The following NELL1 variants were observed in gnomAD, a reference collection of about 807,000 sequenced individuals.
NELL1 encodes the protein neural EGFL like 1, also known as protein kinase C-binding protein NELL1.
A neutral mutation model predicts 107.4 loss-of-function variants in NELL1; 76 were observed. The observed-to-expected ratio is 0.71, with a 90% CI of 0.59 to 0.86. NELL1 has a LOEUF of 0.86. NELL1 is among the 40% of genes least tolerant of loss of function. NELL1 has a pLI of 0.00. For missense variants in NELL1, 1,024 were observed against 1,005.5 expected (o/e 1.02, Z -0.25); for synonymous variants, 353 against 341.2 (o/e 1.03, Z -0.38).
chr11:20,975,067 T>C (rs1365595076), intron 12 of NELL1, among the ~76,000 whole-genome samples: 1 of 152,118 alleles, frequency 6.6e-6, no homozygotes, highest in Non-Finnish European at 1.5e-5. Context: ...TGGAGTGCAG[T>C]GCATGCTCTC....
intron 12 of NELL1, among the ~76,000 whole-genome samples, chr11:21,054,175 C>T (rs933275876): frequency 2.6e-5 from 4 of 151,552 alleles, no homozygotes; most frequent in Admixed American, 6.6e-5. Flanking sequence ...GTTTCCCTCT[C>T]TTTTTTTCTC....
chr11:20,837,228 A>AT (rs1342934765), intron 3 of NELL1, among the ~76,000 whole-genome samples: 63 of 152,268 alleles, frequency 4.1e-4, no homozygotes, highest in African/African-American at 1.5e-3. Flanking sequence ...AAAGTGAATA[A>AT]TTAATTAAGT....
intron 14 of NELL1, among the ~76,000 whole-genome samples, chr11:21,262,938 T>A (rs546738002): frequency 1.3e-5 from 2 of 151,936 alleles, no homozygotes; most frequent in African/African-American, 4.8e-5. Flanking sequence ...ATACTTGTCT[T>A]CTTATTTTAC....
intron 16 of NELL1, among the ~76,000 whole-genome samples, chr11:21,542,803 A>G (rs1437964698): frequency 6.6e-6 from 1 of 152,124 alleles, no homozygotes; most frequent in Non-Finnish European, 1.5e-5. Context: ...AGTATATACA[A>G]AGATCACATG....
At chr11:21,257,761 G>A (rs1590779433) in intron 14 of NELL1, among the ~76,000 whole-genome samples, 1 of 151,974 alleles carries the variant, frequency 6.6e-6, no homozygotes, top group Admixed American at 6.6e-5. Flanking sequence ...AGAACCAGGA[G>A]TTGTGGCTAA....
intron 14 of NELL1, among the ~76,000 whole-genome samples, chr11:21,351,793 A>C (rs1250179571): frequency 6.6e-6 from 1 of 152,162 alleles, no homozygotes; most frequent in African/African-American, 2.4e-5. Flanking sequence ...ATGCCAGCCC[A>C]AGTTCTATTT....
Position 21,163,312 on chromosome 11 carries a change from A to G in NELL1, c.1426+49598A>G, listed in dbSNP as rs114773125. On this transcript the variant is annotated intron_variant, in intron 13 of 19. Coordinates refer to ENST00000357134, the MANE Select transcript of NELL1 (RefSeq NM_006157.5). ...TTAGTTTAAAACACAATGCTTTTAC[A>G]GTCTTGTTGAGAATGGGTGGAGCAT... Among the ~76,000 whole-genome samples, 1,452 of 152,294 alleles carry G rather than the reference A, an allele frequency of 9.5e-3. 20 individuals are homozygous for G. Among genetic ancestry groups the G allele is most frequent in the African/African-American group, 0.033 (1,369 of 41,558 alleles).
At chr11:21,142,390 T>C (rs1855888267) in intron 13 of NELL1, among the ~76,000 whole-genome samples, 1 of 152,224 alleles carries the variant, frequency 6.6e-6, no homozygotes, top group South Asian at 2.1e-4. Flanking sequence ...TAGATCCACA[T>C]TTCTCAAATT....
chr11:21,284,421 G>A (rs758096392), intron 14 of NELL1: 2 of 457,526 alleles, frequency 4.4e-6, no homozygotes, highest in South Asian at 3.1e-5. Flanking sequence ...CAGAAGATGG[G>A]ATGCAAAAAA....
At chr11:21,163,465 T>C (rs1856416601) in intron 13 of NELL1, among the ~76,000 whole-genome samples, 1 of 152,148 alleles carries the variant, frequency 6.6e-6, no homozygotes, top group African/African-American at 2.4e-5. Flanking sequence ...TTTTGGTGGC[T>C]ATAGTGGGTG....
At chr11:21,362,196 T>C (rs949641246) in intron 14 of NELL1, among the ~76,000 whole-genome samples, 1 of 152,226 alleles carries the variant, frequency 6.6e-6, no homozygotes, top group Non-Finnish European at 1.5e-5. Flanking sequence ...TCCCCTGATA[T>C]AATGCTCTCC....
In NELL1 at chr11:21,157,089, C is replaced by T. The variant is rs538928134; in HGVS notation, c.1426+43375C>T. Among the ~76,000 whole-genome samples, 418 of 149,484 alleles carry T rather than the reference C, an allele frequency of 2.8e-3. 2 individuals are homozygous for T. The highest frequency in any genetic ancestry group is 9.7e-3 in the African/African-American group (394 of 40,528). On this transcript the variant is annotated intron_variant, in intron 13 of 19. Transcript: ENST00000357134. ...TGCAATTTTAGCCTGGGCAACAGAG[C>T]GAGAGTCTGACTCAAAAATATGTGT...
chr11:21,042,908 A>T (rs1371627906), intron 12 of NELL1, among the ~76,000 whole-genome samples: 5 of 151,090 alleles, frequency 3.3e-5, no homozygotes, highest in African/African-American at 4.9e-5. Flanking sequence ...TGAAATGCCT[A>T]TTTTTTTTTA....
In NELL1 at chr11:20,870,793, C is replaced by T. The variant is rs7122743; in HGVS notation, c.507-14651C>T. Among the ~76,000 whole-genome samples the T allele has an allele frequency of 8.7e-3, 1,330 of 152,322 alleles. 13 individuals are homozygous for T. Among genetic ancestry groups the T allele is most frequent in the African/African-American group, 0.03 (1,236 of 41,570 alleles). On this transcript the variant is annotated intron_variant, in intron 4 of 19. Coordinates refer to ENST00000357134, the MANE Select transcript of NELL1 (RefSeq NM_006157.5). ...GAAATTTTATCTAAATTGCTTTGCTCTTCTTCCATGATTGTGAACTTCTAA... is the reference window on the plus strand; with the variant it reads ...GAAATTTTATCTAAATTGCTTTGCTTTTCTTCCATGATTGTGAACTTCTAA...
chr11:21,226,690 C>A (rs1231649144), intron 13 of NELL1, among the ~76,000 whole-genome samples: 4 of 152,030 alleles, frequency 2.6e-5, no homozygotes, highest in South Asian at 4.1e-4. Flanking sequence ...GCATTAATGA[C>A]AAAATTTGCA....
At chr11:21,080,019 A>G (rs1486981554) in intron 12 of NELL1, among the ~76,000 whole-genome samples, 2 of 152,102 alleles carry the variant, frequency 1.3e-5, no homozygotes, top group African/African-American at 4.8e-5. Context: ...ATTCATTACT[A>G]CATTAAAACA....
Position 20,748,872 on chromosome 11 carries a change from T to TCATCCATCCATCCATC in NELL1, c.185-34793_185-34778dup, listed in dbSNP as rs59483612. Reference sequence around the variant, plus strand: ...CAATTGCGTATTGGAGCATATTCTATCATCCATCCATCCATCCATCCATCC... The same window carrying TCATCCATCCATCCATC: ...CAATTGCGTATTGGAGCATATTCTATCATCCATCCATCCATCCATCCATCCATCCATCCATCCATCC... On this transcript the variant is annotated intron_variant, in intron 2 of 19. Transcript: ENST00000357134. 8.6e-4 allele frequency among the ~76,000 whole-genome samples: 126 copies of TCATCCATCCATCCATC among 145,884 alleles called. 2 individuals carry two copies. The highest frequency in any genetic ancestry group is 6.8e-3 in the South Asian group (31 of 4,554).
chr11:21,071,950 A>G (rs1854025521), intron 12 of NELL1, among the ~76,000 whole-genome samples: 1 of 152,136 alleles, frequency 6.6e-6, no homozygotes, highest in South Asian at 2.1e-4. Context: ...CACAACAATG[A>G]TCAGGGTCTT....
chr11:21,022,543 A>G lies in NELL1; in HGVS notation c.1300+61983A>G, dbSNP rs990745504. Among the ~76,000 whole-genome samples the G allele has an allele frequency of 4.6e-5, 7 of 152,178 alleles. No individual in the cohort carries two copies. In the South Asian group the frequency reaches 8.3e-4, roughly 18 times the overall value. ...CAGTTGCTTTAATTTTCTCTTTCCAATTTCCCCAGAGTGATCTACAGTAAA... is the reference window on the plus strand; with the variant it reads ...CAGTTGCTTTAATTTTCTCTTTCCAGTTTCCCCAGAGTGATCTACAGTAAA... On this transcript the variant is annotated intron_variant, in intron 12 of 19. Coordinates refer to ENST00000357134, the MANE Select transcript of NELL1 (RefSeq NM_006157.5).
Sources: gnomAD v4.1 joint callset for allele counts (sites outside exome capture counted in the v4.1 genomes callset) on GRCh38, gnomAD v4.1.1 for gene constraint, MANE v1.5 for transcripts, NCBI Gene and HGNC (gene_info 2026-07-23, HGNC 2026-07-21) for gene names.